The following DCC variants were observed in gnomAD, a reference collection of about 807,000 sequenced individuals.
DCC encodes netrin receptor DCC.
In DCC, 58 loss-of-function variants were observed where a neutral mutation model predicts 172.5. The ratio of observed to expected loss-of-function variants is 0.34; its 90% confidence interval spans 0.27 to 0.42. DCC has a LOEUF of 0.42. Among genes scored for constraint, DCC ranks in the 10% least tolerant of loss-of-function variants. The pLI, the probability that DCC is intolerant of heterozygous loss-of-function variation, is 1.00. For synonymous variants in DCC, 709 were observed against 644.5 expected (o/e 1.10, Z -1.52); for missense variants, 1,740 against 1,791.0 (o/e 0.97, Z 0.51).
At chr18:53,177,683 A>G (rs2144473171) in intron 8 of DCC, among the ~76,000 whole-genome samples, 1 of 152,312 alleles carries the variant, frequency 6.6e-6, no homozygotes, top group Admixed American at 6.5e-5. Flanking sequence ...ACCCATGTGC[A>G]GTTTATTTTA....
At chr18:53,347,172 A>G (rs2057735505) in intron 15 of DCC, among the ~76,000 whole-genome samples, 1 of 152,108 alleles carries the variant, frequency 6.6e-6, no homozygotes, top group Admixed American at 6.6e-5. Flanking sequence ...CAAAGTGGTG[A>G]GGGTTTCTAC....
At chr18:53,392,705 T>C (rs1908636255) in intron 17 of DCC, among the ~76,000 whole-genome samples, 1 of 152,244 alleles carries the variant, frequency 6.6e-6, no homozygotes, top group Non-Finnish European at 1.5e-5. Flanking sequence ...GAACCTACTA[T>C]GTACCTAGAA....
chr18:53,338,275 G>A (rs1909523753), intron 14 of DCC, among the ~76,000 whole-genome samples: 1 of 152,114 alleles, frequency 6.6e-6, no homozygotes, highest in African/African-American at 2.4e-5. Flanking sequence ...CAGGCACCTA[G>A]GCTCACACCT....
chr18:53,177,253 T>C (rs899720602), intron 8 of DCC, among the ~76,000 whole-genome samples: 2 of 151,772 alleles, frequency 1.3e-5, no homozygotes, highest in African/African-American at 2.4e-5. Flanking sequence ...GTGGGTGCAG[T>C]GCACCAGCAT....
chr18:52,876,109 A>G (rs1448578620), intron 2 of DCC, among the ~76,000 whole-genome samples: 2 of 152,204 alleles, frequency 1.3e-5, no homozygotes, highest in Non-Finnish European at 2.9e-5. Flanking sequence ...TTCTAAGGAT[A>G]TAGGAATCCA....
intron 1 of DCC, among the ~76,000 whole-genome samples, chr18:52,484,188 T>C (rs916152995): frequency 1.3e-5 from 2 of 152,152 alleles, no homozygotes; most frequent in African/African-American, 2.4e-5. Context: ...TAAAACTGCA[T>C]TCTATTTTCA....
intron 2 of DCC, among the ~76,000 whole-genome samples, chr18:52,887,361 A>G (rs544179154): frequency 1.3e-5 from 2 of 152,030 alleles, no homozygotes; most frequent in South Asian, 4.2e-4. Flanking sequence ...AGAGCCAAAC[A>G]TATTATTTTC....
chr18:52,797,270 G>A (rs1214179858), intron 2 of DCC, among the ~76,000 whole-genome samples: 1 of 152,052 alleles, frequency 6.6e-6, no homozygotes, highest in Non-Finnish European at 1.5e-5. Flanking sequence ...CTGTTTTGGG[G>A]ATCTGTTATT....
intron 3 of DCC, among the ~76,000 whole-genome samples, chr18:52,914,921 C>G (rs145895450): frequency 1.3e-3 from 199 of 152,194 alleles, no homozygotes; most frequent in African/African-American, 4.6e-3. Flanking sequence ...AGTGCCCTTT[C>G]ATTTCCATTT....
At chr18:52,845,164 T>C (rs2038865535) in intron 2 of DCC, among the ~76,000 whole-genome samples, 1 of 152,126 alleles carries the variant, frequency 6.6e-6, no homozygotes, top group African/African-American at 2.4e-5. Flanking sequence ...AAGCAGCCCT[T>C]AGGAGAGATC....
rs541907593 is a variant in DCC at position 52,929,389 on chromosome 18, A to G, written c.985+4019A>G. On this transcript the variant is annotated intron_variant, in intron 5 of 28. Transcript: ENST00000442544. ...TACTGAAACAGCTATAAAAAAAAGCAGGTTTATGTGATGTAAATAAGAACA... is the reference window on the plus strand; with the variant it reads ...TACTGAAACAGCTATAAAAAAAAGCGGGTTTATGTGATGTAAATAAGAACA... Among the ~76,000 whole-genome samples, 8 of 152,306 alleles carry G rather than the reference A, an allele frequency of 5.3e-5. No homozygotes were observed. The East Asian group carries it at 1.5e-3, about 29-fold the overall frequency.
intron 5 of DCC, among the ~76,000 whole-genome samples, chr18:52,925,603 A>G (rs1257826602): frequency 1.3e-5 from 2 of 152,050 alleles, no homozygotes; most frequent in African/African-American, 4.8e-5. Context: ...TAATTATTCC[A>G]GTGATACAGC....
chr18:53,334,703 A>G (rs1440782456), intron 14 of DCC, among the ~76,000 whole-genome samples: 33 of 152,194 alleles, frequency 2.2e-4, no homozygotes, highest in Admixed American at 2.1e-3. Flanking sequence ...TGATTGGCCT[A>G]TTTCATTTAC....
At chr18:52,853,431 C>T (rs554498549) in intron 2 of DCC, among the ~76,000 whole-genome samples, 66 of 152,312 alleles carry the variant, frequency 4.3e-4, no homozygotes, top group African/African-American at 1.6e-3. Flanking sequence ...ACTTTTCATA[C>T]TACATTAAAT....
chr18:53,027,630 A>C (rs890823549), intron 5 of DCC, among the ~76,000 whole-genome samples: 2 of 152,118 alleles, frequency 1.3e-5, no homozygotes, highest in East Asian at 3.9e-4. Flanking sequence ...GACACATCTG[A>C]GATGTCACTC....
intron 1 of DCC, among the ~76,000 whole-genome samples, chr18:52,665,245 G>A (rs1310612346): frequency 6.6e-6 from 1 of 152,150 alleles, no homozygotes; most frequent in Non-Finnish European, 1.5e-5. Context: ...GCTGAGGGCT[G>A]ATGGGTTAGA....
intron 5 of DCC, among the ~76,000 whole-genome samples, chr18:52,942,812 C>T (rs542892164): frequency 6.6e-6 from 1 of 152,154 alleles, no homozygotes; most frequent in Admixed American, 6.5e-5. Context: ...ATATCACTTA[C>T]CAATTTGAAA....
At chr18:53,402,015 G>A (rs533618279) in intron 18 of DCC, among the ~76,000 whole-genome samples, 3 of 152,260 alleles carry the variant, frequency 2.0e-5, no homozygotes, top group Admixed American at 2.0e-4. Context: ...AATTTCTCAT[G>A]TGTGCCTTCC....
chr18:52,950,786 G>A (rs1287627318), intron 5 of DCC, among the ~76,000 whole-genome samples: 7 of 151,824 alleles, frequency 4.6e-5, no homozygotes, highest in Middle Eastern at 3.4e-3. Flanking sequence ...TTAGCTGGGC[G>A]TGGTGGCGGG....
Sources: gnomAD v4.1 joint callset for allele counts (sites outside exome capture counted in the v4.1 genomes callset) on GRCh38, gnomAD v4.1.1 for gene constraint, MANE v1.5 for transcripts, NCBI Gene and HGNC (gene_info 2026-07-23, HGNC 2026-07-21) for gene names.